Variants in SPOCK1 observed in about 807,000 individuals in gnomAD.
The protein encoded by SPOCK1 is SPARC (osteonectin), cwcv and kazal like domains proteoglycan 1, also known as testican-1.
In SPOCK1, 23 loss-of-function variants were observed where a neutral mutation model predicts 55.3. The observed-to-expected ratio is 0.42, with a 90% CI of 0.30 to 0.59. The LOEUF is 0.59. Among genes scored for constraint, SPOCK1 ranks in the 20% least tolerant of loss-of-function variants. SPOCK1 has a pLI of 0.22. For missense variants in SPOCK1, 499 were observed against 552.5 expected (o/e 0.90, Z 0.97); for synonymous variants, 226 against 221.0 (o/e 1.02, Z -0.20).
chr5:137,434,480 C>CTTTTTTTTTTTTTTTTTTTTTTTTTTTT (rs146762668), intron 2 of SPOCK1, among the ~76,000 whole-genome samples: 2 of 68,190 alleles, frequency 2.9e-5, no homozygotes, highest in Non-Finnish European at 5.2e-5. Flanking sequence ...TCTTTTTTTT[C>CTTTTTTTTTTTTTTTTTTTTTTTTTTTT]TTTTTTTTTT....
chr5:137,315,405 G>A (rs1757861049), intron 2 of SPOCK1, among the ~76,000 whole-genome samples: 1 of 152,184 alleles, frequency 6.6e-6, no homozygotes, highest in African/African-American at 2.4e-5. Context: ...GCAAACTTTT[G>A]ATGAATAACT....
chr5:137,281,721 G>A (rs553598025), intron 2 of SPOCK1, among the ~76,000 whole-genome samples: 5 of 152,206 alleles, frequency 3.3e-5, no homozygotes, highest in South Asian at 2.1e-4. Flanking sequence ...ATTTACCAGC[G>A]AGACACACAA....
At chr5:137,462,246 G>T (rs890642587) in intron 2 of SPOCK1, among the ~76,000 whole-genome samples, 16 of 152,126 alleles carry the variant, frequency 1.1e-4, no homozygotes, top group African/African-American at 3.9e-4. Flanking sequence ...TTTCTAGCAT[G>T]CACATTTCTC....
At chr5:137,092,322 C>T (rs773945434) in intron 5 of SPOCK1, among the ~76,000 whole-genome samples, 9 of 152,232 alleles carry the variant, frequency 5.9e-5, no homozygotes, top group Non-Finnish European at 1.5e-5. Flanking sequence ...TGAGCTGGTT[C>T]GCCCTCAGGG....
intron 2 of SPOCK1, among the ~76,000 whole-genome samples, chr5:137,419,900 C>A (rs561454959): frequency 6.6e-6 from 1 of 152,112 alleles, no homozygotes; most frequent in African/African-American, 2.4e-5. Context: ...GGGAATGTTT[C>A]CAGTTTTTGC....
At chr5:137,057,051 T>A (rs553140476) in intron 6 of SPOCK1, among the ~76,000 whole-genome samples, 1 of 152,262 alleles carries the variant, frequency 6.6e-6, no homozygotes, top group East Asian at 1.9e-4. Context: ...TCTACTAATA[T>A]CACTGTTCCT....
At chr5:137,207,179 G>A (rs962828613) in intron 3 of SPOCK1, among the ~76,000 whole-genome samples, 1 of 152,202 alleles carries the variant, frequency 6.6e-6, no homozygotes, top group Admixed American at 6.5e-5. Context: ...CGAGCAGCCT[G>A]TCTGATGAGT....
At chr5:137,221,626 CTG>C (rs1269973326) in intron 3 of SPOCK1, among the ~76,000 whole-genome samples, 4 of 152,106 alleles carry the variant, frequency 2.6e-5, no homozygotes, top group Non-Finnish European at 5.9e-5. Context: ...AGGAACTTAA[CTG>C]TATTATTACA....
intron 2 of SPOCK1, among the ~76,000 whole-genome samples, chr5:137,406,431 C>A (rs1187591705): frequency 6.6e-6 from 1 of 152,196 alleles, no homozygotes; most frequent in East Asian, 1.9e-4. Flanking sequence ...GGGCAGAACA[C>A]CAATTTTCAG....
chr5:137,339,462 T>C (rs527408468), intron 2 of SPOCK1, among the ~76,000 whole-genome samples: 192 of 152,292 alleles, frequency 1.3e-3, no homozygotes, highest in South Asian at 9.1e-3. Flanking sequence ...GCTCACCCCA[T>C]GAGGACAGCC....
At chr5:137,063,714 G>A (rs913322647) in intron 6 of SPOCK1, among the ~76,000 whole-genome samples, 4 of 152,334 alleles carry the variant, frequency 2.6e-5, no homozygotes, top group African/African-American at 9.6e-5. Context: ...TTGGGAAGAG[G>A]TGATTCTGAA....
chr5:137,367,794 T>C lies in SPOCK1; in HGVS notation c.187-100739A>G, dbSNP rs1209675905. Among the ~76,000 whole-genome samples, 3 of 152,356 alleles carry C rather than the reference T, an allele frequency of 2.0e-5. No homozygotes were observed. In the East Asian group the frequency reaches 5.8e-4, roughly 29 times the overall value. ...CATTTAGGCACCAACTACCTGCTGA[T>C]AACTGGGCCAAGTTCTTGGGATGCT... On this transcript the variant is annotated intron_variant, in intron 2 of 10. Transcript: ENST00000394945.
In SPOCK1 at chr5:137,270,036, G is replaced by A. The variant is rs539544766; in HGVS notation, c.187-2981C>T. ...CAATAATTCTATCACTTCTACCCTG[G>A]GAAGTAGTGTGTCTGCCCCGGCACG... On this transcript the variant is annotated intron_variant, in intron 2 of 10. Coordinates refer to ENST00000394945, the MANE Select transcript of SPOCK1 (RefSeq NM_004598.4). Among the ~76,000 whole-genome samples the A allele has an allele frequency of 9.9e-5, 15 of 152,266 alleles. No individual in the cohort carries two copies. In the South Asian group the frequency reaches 2.7e-3, roughly 27 times the overall value.
At chr5:137,480,159 A>T (rs942591413) in intron 2 of SPOCK1, among the ~76,000 whole-genome samples, 7 of 152,218 alleles carry the variant, frequency 4.6e-5, no homozygotes, top group African/African-American at 1.7e-4. Flanking sequence ...GGAAAGCAGC[A>T]ATTAAAAATA....
chr5:137,079,532 T>G, intron 5 of SPOCK1, among the ~76,000 whole-genome samples: 1 of 24,218 alleles, frequency 4.1e-5, no homozygotes. Context: ...TCCCATCTGA[T>G]TCCCCCCCCC....
At chr5:137,082,289 C>G (rs1291643941) in intron 5 of SPOCK1, among the ~76,000 whole-genome samples, 1 of 152,224 alleles carries the variant, frequency 6.6e-6, no homozygotes, top group East Asian at 1.9e-4. Context: ...TGGGTAACTT[C>G]TTGGTGTGCA....
At chr5:136,992,000 TAC>T (rs1421464185) in intron 7 of SPOCK1, among the ~76,000 whole-genome samples, 1 of 152,220 alleles carries the variant, frequency 6.6e-6, no homozygotes, top group African/African-American at 2.4e-5. Flanking sequence ...AGATGTTTGC[TAC>T]AGTGTTACTT....
intron 2 of SPOCK1, among the ~76,000 whole-genome samples, chr5:137,483,219 G>C (rs905031138): frequency 6.6e-6 from 1 of 152,196 alleles, no homozygotes; most frequent in African/African-American, 2.4e-5. Context: ...TGTAATCCCA[G>C]CTACTCAGGA....
chr5:137,145,564 TCA>T (rs910308152), intron 3 of SPOCK1, among the ~76,000 whole-genome samples: 4 of 152,180 alleles, frequency 2.6e-5, no homozygotes, highest in Non-Finnish European at 5.9e-5. Flanking sequence ...CTGGGGGAAA[TCA>T]CACACATTTG....
Sources: gnomAD v4.1 joint callset for allele counts (sites outside exome capture counted in the v4.1 genomes callset) on GRCh38, gnomAD v4.1.1 for gene constraint, MANE v1.5 for transcripts, NCBI Gene and HGNC (gene_info 2026-07-23, HGNC 2026-07-21) for gene names.